The following ADAM9 variants were observed in gnomAD, a reference collection of about 807,000 sequenced individuals.
The protein encoded by ADAM9 is ADAM metallopeptidase domain 9.
In ADAM9, 54 loss-of-function variants were observed where a neutral mutation model predicts 108.1. That is an observed-to-expected ratio of 0.50 (90% CI 0.40 to 0.63). The LOEUF is 0.63. Ranked by LOEUF, ADAM9 falls within the 20% of genes least tolerant of loss-of-function variation. The pLI is 0.00. For synonymous variants in ADAM9, 316 were observed against 336.0 expected (o/e 0.94, Z 0.65); for missense variants, 830 against 997.7 (o/e 0.83, Z 2.26).
chr8:39,060,205 G>A (rs1285724439), intron 14 of ADAM9, among the ~76,000 whole-genome samples: 3 of 152,150 alleles, frequency 2.0e-5, no homozygotes, highest in Admixed American at 2.0e-4. Context: ...GGATCACAAG[G>A]CTTTGCTCCA....
At chr8:39,075,577 A>C (rs908263112) in intron 15 of ADAM9, among the ~76,000 whole-genome samples, 3 of 152,152 alleles carry the variant, frequency 2.0e-5, no homozygotes, top group African/African-American at 7.2e-5. Flanking sequence ...TTATTTTATG[A>C]GCTGCCTGTT....
chr8:39,103,313 GTT>G (rs1839757884), intron 21 of ADAM9, among the ~76,000 whole-genome samples: 1 of 151,204 alleles, frequency 6.6e-6, no homozygotes, highest in Admixed American at 6.6e-5. Context: ...GTCTTTTACA[GTT>G]TATCTTTACC....
At chr8:39,010,626 G>A (rs1007631979) in intron 2 of ADAM9, among the ~76,000 whole-genome samples, 4 of 152,200 alleles carry the variant, frequency 2.6e-5, no homozygotes, top group East Asian at 3.9e-4. Context: ...CAGAGATCAC[G>A]TTAAGCACTT....
At chr8:38,997,918 T>A (rs1028061223) in intron 1 of ADAM9, among the ~76,000 whole-genome samples, 7 of 152,240 alleles carry the variant, frequency 4.6e-5, no homozygotes, top group Non-Finnish European at 8.8e-5. Context: ...CGTTTTTGAA[T>A]TGTGAAACTG....
intron 19 of ADAM9, 132 bp from the exon 20 acceptor site, chr8:39,091,127 C>T (rs1839340662): frequency 3.5e-6 from 3 of 847,944 alleles, no homozygotes; most frequent in Non-Finnish European, 5.9e-6. Context: ...AAAATTTAAA[C>T]CGTATCATGA....
chr8:39,002,322 T>TC, intron 1 of ADAM9, among the ~76,000 whole-genome samples: 1 of 140,264 alleles, frequency 7.1e-6, no homozygotes, highest in Non-Finnish European at 1.6e-5. Flanking sequence ...CTTTTTTTTT[T>TC]TTTTTTTTTT....
Position 38,997,004 on chromosome 8 carries a change from A to T in ADAM9, c.-60A>T. 7 of 1,576,996 alleles carry T rather than the reference A, an allele frequency of 4.4e-6. No homozygotes were observed. The highest frequency in any genetic ancestry group is 6.0e-6 in the Non-Finnish European group (7 of 1,166,820). On this transcript the variant is annotated 5_prime_UTR_variant, in exon 1 of 22. The change abolishes an upstream ATG in the 5' untranslated region. Coordinates refer to ENST00000487273, the MANE Select transcript of ADAM9 (RefSeq NM_003816.3). Reference sequence around the variant, plus strand: ...GGGGCCCCGGCAGGGTTGGAAAATGATGGAAGAGGCGGAGGTGGAGGCGAC... The same window carrying T: ...GGGGCCCCGGCAGGGTTGGAAAATGTTGGAAGAGGCGGAGGTGGAGGCGAC...
chr8:39,061,395 A>G (rs374556993), intron 14 of ADAM9, among the ~76,000 whole-genome samples: 4 of 152,352 alleles, frequency 2.6e-5, no homozygotes, highest in East Asian at 1.9e-4. Flanking sequence ...GACCTGAGGT[A>G]AAACTTCATC....
At chr8:39,001,902 T>C (rs1020067656) in intron 1 of ADAM9, among the ~76,000 whole-genome samples, 7 of 152,102 alleles carry the variant, frequency 4.6e-5, no homozygotes, top group Non-Finnish European at 1.0e-4. Flanking sequence ...ACTCCTGACC[T>C]TGTGATCCAC....
chr8:39,044,687 C>T (rs1002429235), intron 12 of ADAM9, among the ~76,000 whole-genome samples: 6 of 151,982 alleles, frequency 3.9e-5, no homozygotes, highest in African/African-American at 1.5e-4. Context: ...TGTCCATGTG[C>T]GCGCATTGTT....
At position 39,090,855 on chromosome 8, in the gene ADAM9, C is replaced by T. The variant is rs1034220872; in HGVS notation, c.2211-404C>T. Among the ~76,000 whole-genome samples, 2 of 152,332 alleles carry T rather than the reference C, an allele frequency of 1.3e-5. 1 individual carries two copies. The highest frequency in any genetic ancestry group is 4.1e-4 in the South Asian group (2 of 4,826). On this transcript the variant is annotated intron_variant, in intron 19 of 21. Coordinates refer to ENST00000487273, the MANE Select transcript of ADAM9 (RefSeq NM_003816.3). Reference sequence around the variant, plus strand: ...CTGATTTGCTGTCACTTCAGCATGTCTAAAACTTACCTATTACCTTTCCAG... The same window carrying T: ...CTGATTTGCTGTCACTTCAGCATGTTTAAAACTTACCTATTACCTTTCCAG...
At chr8:39,091,973 G>A (rs1839370192) in intron 20 of ADAM9, among the ~76,000 whole-genome samples, 1 of 152,120 alleles carries the variant, frequency 6.6e-6, no homozygotes, top group Non-Finnish European at 1.5e-5. Context: ...TCTCCCTATG[G>A]GATGTTACCA....
intron 6 of ADAM9, 86 bp from the exon 7 acceptor site, chr8:39,018,767 A>G (rs1836632793): frequency 8.8e-7 from 1 of 1,135,592 alleles, no homozygotes; most frequent in Admixed American, 1.7e-5. Context: ...TGTTCTTAGC[A>G]GACATGAAAT....
At position 39,071,325 on chromosome 8, in the gene ADAM9, T is replaced by C; in HGVS notation, c.1619T>C (p.Phe540Ser). 1 of 1,614,172 alleles carries C rather than the reference T, an allele frequency of 6.2e-7. No homozygotes were observed. The highest frequency in any genetic ancestry group is 8.5e-7 in the Non-Finnish European group (1 of 1,180,026). Residue 540 changes from phenylalanine (F) to serine (S), a missense_variant, in exon 15 of 22, where the codon TTC becomes TCC. Phe to Ser is a radical substitution (Grantham distance 155). This residue lies in a region of ADAM9 where 381 missense variants were observed against 539.8 expected (regional missense o/e 0.71). Coordinates refer to ENST00000487273, the MANE Select transcript of ADAM9 (RefSeq NM_003816.3). ...SKAKAAPKDC[F>S]IEVNSKGDRF... ...GCCAAGGCTGCCCCCAAAGATTGTTTCATTGAAGTGAATTCTAAAGGTGAC... is the reference window on the plus strand; with the variant it reads ...GCCAAGGCTGCCCCCAAAGATTGTTCCATTGAAGTGAATTCTAAAGGTGAC...
chr8:39,092,459 T>G (rs1455100846), intron 20 of ADAM9, among the ~76,000 whole-genome samples: 2 of 152,296 alleles, frequency 1.3e-5, no homozygotes, highest in African/African-American at 2.4e-5. Flanking sequence ...CATGTTGTTA[T>G]GTATACAGGA....
intron 7 of ADAM9, among the ~76,000 whole-genome samples, chr8:39,019,760 T>A (rs769822785): frequency 5.3e-5 from 8 of 152,184 alleles, no homozygotes; most frequent in Non-Finnish European, 1.0e-4. Flanking sequence ...TTTTTGGTTT[T>A]AAAAAAATTC....
At chr8:39,082,919 T>G in intron 17 of ADAM9, 49 bp from the exon 18 acceptor site, 1 of 1,509,570 alleles carries the variant, frequency 6.6e-7, no homozygotes, top group South Asian at 1.1e-5. Flanking sequence ...GTTGATGATA[T>G]AGAGCAACAT....
At chr8:39,080,236 T>C (rs1043132671) in intron 16 of ADAM9, among the ~76,000 whole-genome samples, 1 of 152,146 alleles carries the variant, frequency 6.6e-6, no homozygotes, top group Non-Finnish European at 1.5e-5. Context: ...AAATAGTATC[T>C]ACTGATTGTT....
chr8:39,031,917 C>G lies in ADAM9; in HGVS notation c.1130+5107C>G, dbSNP rs575464092. 3.3e-5 allele frequency among the ~76,000 whole-genome samples: 5 copies of G among 152,342 alleles called. No homozygotes were observed. The East Asian group carries it at 9.7e-4, about 29-fold the overall frequency. Reference sequence around the variant, plus strand: ...TTCTGACAGTCAGGTCCCTCAGCTGCAGATCTGTTGGAGTTTGCTGGAGGT... The same window carrying G: ...TTCTGACAGTCAGGTCCCTCAGCTGGAGATCTGTTGGAGTTTGCTGGAGGT... On this transcript the variant is annotated intron_variant, in intron 11 of 21. Coordinates refer to ENST00000487273, the MANE Select transcript of ADAM9 (RefSeq NM_003816.3).
Sources: allele counts gnomAD v4.1 joint callset (sites outside exome capture counted in the v4.1 genomes callset), GRCh38; gene constraint gnomAD v4.1.1; regional missense constraint gnomAD v4.1.1; transcripts MANE v1.5; gene names NCBI Gene and HGNC (gene_info 2026-07-23, HGNC 2026-07-21).